Variants in ADGRL2 observed in about 807,000 individuals in gnomAD.
The protein encoded by ADGRL2 is adhesion G protein-coupled receptor L2.
ADGRL2 carries 44 observed loss-of-function variants against 157.4 expected under a neutral mutation model. That is an observed-to-expected ratio of 0.28 (90% CI 0.22 to 0.36). The LOEUF is 0.36. ADGRL2 is among the 10% of genes least tolerant of loss of function. The pLI is 1.00. For synonymous variants in ADGRL2, 585 were observed against 624.7 expected, an observed-to-expected ratio of 0.94 and a Z score of 0.95; for missense variants, 1,510 against 1,768.9, an observed-to-expected ratio of 0.85 and a Z score of 2.63.
chr1:81,774,994 T>A (rs1469542888), intron 2 of ADGRL2, among the ~76,000 whole-genome samples: 1 of 152,104 alleles, frequency 6.6e-6, no homozygotes, highest in South Asian at 2.1e-4. Flanking sequence ...ATTAAGTGAA[T>A]AAAATTTGGA....
At chr1:81,429,989 G>A (rs1393521703) in intron 1 of ADGRL2, among the ~76,000 whole-genome samples, 1 of 152,188 alleles carries the variant, frequency 6.6e-6, no homozygotes. Flanking sequence ...CGCCTCCTGG[G>A]TTCAAGCGAT....
intron 1 of ADGRL2, among the ~76,000 whole-genome samples, chr1:81,365,413 A>G (rs1217591814): frequency 2.0e-5 from 3 of 152,206 alleles, no homozygotes; most frequent in African/African-American, 7.2e-5. Flanking sequence ...CACATAAAGT[A>G]TAATACACAT....
chr1:81,819,070 A>G (rs915427341), intron 1 of ADGRL2, among the ~76,000 whole-genome samples: 2 of 152,182 alleles, frequency 1.3e-5, no homozygotes, highest in African/African-American at 4.8e-5. Flanking sequence ...AATGTTGTTG[A>G]TATTTTCAAT....
intron 1 of ADGRL2, among the ~76,000 whole-genome samples, chr1:81,376,064 C>A (rs535430451): frequency 6.6e-6 from 1 of 152,302 alleles, no homozygotes; most frequent in Non-Finnish European, 1.5e-5. Flanking sequence ...TGACCCCTGC[C>A]ACTCCTGGCA....
intron 2 of ADGRL2, among the ~76,000 whole-genome samples, chr1:81,879,146 G>T (rs1286123803): frequency 6.6e-6 from 1 of 152,064 alleles, no homozygotes; most frequent in Non-Finnish European, 1.5e-5. Flanking sequence ...TTAATACTAG[G>T]ACCAGACTGA....
chr1:81,490,147 T>C (rs1402856608), intron 2 of ADGRL2, among the ~76,000 whole-genome samples: 4 of 144,674 alleles, frequency 2.8e-5, no homozygotes, highest in Non-Finnish European at 6.0e-5. Flanking sequence ...TTTTTTTTTT[T>C]CGAGACAGAG....
intron 1 of ADGRL2, among the ~76,000 whole-genome samples, chr1:81,413,405 T>C (rs2076981685): frequency 6.6e-6 from 1 of 152,204 alleles, no homozygotes; most frequent in Admixed American, 6.5e-5. Flanking sequence ...AAAAATGTTT[T>C]TGTCATTAAT....
Position 81,519,194 on chromosome 1 carries a change from G to A in ADGRL2, c.-247-61682G>A, listed in dbSNP as rs539421600. Among the ~76,000 whole-genome samples, 261 of 152,270 alleles carry A rather than the reference G, an allele frequency of 1.7e-3. 1 individual carries two copies. Among genetic ancestry groups the A allele is most frequent in the Admixed American group, 2.7e-3 (42 of 15,298 alleles). On this transcript the variant is annotated intron_variant, in intron 2 of 24. Coordinates refer to the ADGRL2 transcript ENST00000370721. ...CTGTTATGCCACATTGACATATTTG[G>A]AAGCAAAAGTTTTGACATCATGGCA...
At chr1:81,629,695 G>A (rs200607917) in intron 3 of ADGRL2, among the ~76,000 whole-genome samples, 7 of 144,766 alleles carry the variant, frequency 4.8e-5, no homozygotes, top group African/African-American at 1.8e-4. Flanking sequence ...GTGTGTGTGT[G>A]TGTATGTAGA....
chr1:81,938,000 G>T (rs1215010362), intron 4 of ADGRL2, among the ~76,000 whole-genome samples: 1 of 151,758 alleles, frequency 6.6e-6, no homozygotes, highest in East Asian at 1.9e-4. Context: ...TGTGTTATCA[G>T]TTAAAGGCCA....
chr1:81,923,819 A>G (rs1219422122), intron 3 of ADGRL2, among the ~76,000 whole-genome samples: 2 of 152,156 alleles, frequency 1.3e-5, no homozygotes, highest in African/African-American at 4.8e-5. Context: ...ACAGTCCCAG[A>G]CACAACTAAA....
At chr1:81,485,213 T>G in intron 2 of ADGRL2, among the ~76,000 whole-genome samples, 1 of 149,050 alleles carries the variant, frequency 6.7e-6, no homozygotes, top group South Asian at 2.1e-4. Flanking sequence ...CTGAGTGGTG[T>G]GTAGTAATCA....
intron 1 of ADGRL2, among the ~76,000 whole-genome samples, chr1:81,759,611 T>C (rs1475229504): frequency 6.6e-6 from 1 of 152,136 alleles, no homozygotes; most frequent in African/African-American, 2.4e-5. Flanking sequence ...TGATGATTTG[T>C]CCAACAATGT....
At chr1:81,831,431 T>C (rs1433973021) in intron 1 of ADGRL2, among the ~76,000 whole-genome samples, 4 of 152,168 alleles carry the variant, frequency 2.6e-5, no homozygotes, top group African/African-American at 9.7e-5. Context: ...TTCCTCACTT[T>C]TGTATCTCAA....
chr1:81,673,113 A>G (rs563301553), intron 3 of ADGRL2, among the ~76,000 whole-genome samples: 13 of 152,352 alleles, frequency 8.5e-5, no homozygotes, highest in African/African-American at 2.9e-4. Context: ...ACAATGAGAA[A>G]GAAAAATATC....
At chr1:81,763,015 T>A (rs370198694) in intron 2 of ADGRL2, among the ~76,000 whole-genome samples, 11 of 120,402 alleles carry the variant, frequency 9.1e-5, no homozygotes, top group Non-Finnish European at 1.8e-4. Flanking sequence ...GCCACTGCAC[T>A]CCAGTCTGGG....
intron 2 of ADGRL2, among the ~76,000 whole-genome samples, chr1:81,857,708 G>T (rs571248088): frequency 1.2e-3 from 178 of 152,200 alleles, no homozygotes; most frequent in Non-Finnish European, 2.1e-3. Flanking sequence ...ATTATATTGT[G>T]ATTTGAATAT....
intron 3 of ADGRL2, among the ~76,000 whole-genome samples, chr1:81,653,537 A>C (rs1234068743): frequency 6.6e-6 from 1 of 152,168 alleles, no homozygotes; most frequent in Non-Finnish European, 1.5e-5. Context: ...GCTTCCCAAC[A>C]CTGGAAAGGG....
intron 3 of ADGRL2, among the ~76,000 whole-genome samples, chr1:81,611,975 G>A (rs1482088642): frequency 6.6e-6 from 1 of 152,096 alleles, no homozygotes; most frequent in Non-Finnish European, 1.5e-5. Context: ...TATAAGATGT[G>A]CCTTTCTTCC....
Sources: allele counts gnomAD v4.1 joint callset (sites outside exome capture counted in the v4.1 genomes callset), GRCh38; gene constraint gnomAD v4.1.1; transcripts MANE v1.5; gene names NCBI Gene and HGNC (gene_info 2026-07-23, HGNC 2026-07-21).